Variants in PCDHA6 observed in about 807,000 individuals in gnomAD.
The protein encoded by PCDHA6 is protocadherin alpha 6, also known as protocadherin alpha-6.
PCDHA6 carries 55 observed loss-of-function variants against 60.3 expected under a neutral mutation model. The ratio of observed to expected loss-of-function variants is 0.91; its 90% CI spans 0.73 to 1.14. The LOEUF is 1.14. PCDHA6 is among the 50% of genes most tolerant of loss of function. PCDHA6 has a pLI of 0.00. For missense variants in PCDHA6, 1,327 were observed against 1,256.5 expected, an observed-to-expected ratio of 1.06 and a Z score of -0.85; for synonymous variants, 652 against 557.9, an observed-to-expected ratio of 1.17 and a Z score of -2.38.
chr5:141,010,293 G>A lies in PCDHA6; in HGVS notation c.*356G>A. ...ATCCTGTCTTGATGACACTTGCAGG[G>A]CAGGCTGAAAAGTTTTGAGATTGAG... On this transcript the variant is annotated 3_prime_UTR_variant, in exon 4 of 4. Transcript: ENST00000529310. The A allele has an allele frequency of 6.5e-7, 1 of 1,549,794 alleles. No individual in the cohort carries two copies. The highest frequency in any genetic ancestry group is 2.4e-5 in the East Asian group (1 of 40,902).
chr5:140,951,084 T>C (rs190031878), intron 1 of PCDHA6, among the ~76,000 whole-genome samples: 2 of 152,168 alleles, frequency 1.3e-5, no homozygotes, highest in African/African-American at 4.8e-5. Context: ...ATATTTTCCT[T>C]TTTTTCTGAT....
intron 1 of PCDHA6, chr5:140,871,365 G>A: frequency 6.2e-7 from 1 of 1,614,218 alleles, no homozygotes; most frequent in Non-Finnish European, 8.5e-7. Context: ...AGCAGAGGCG[G>A]CAGAGGGTGT....
chr5:140,842,452 C>G lies in PCDHA6; in HGVS notation c.2394+11967C>G, dbSNP rs1777963024. The G allele has an allele frequency of 8.1e-6, 13 of 1,613,732 alleles. 1 individual carries two copies. The highest frequency in any genetic ancestry group is 2.7e-5 in the African/African-American group (2 of 74,852). On this transcript the variant is annotated intron_variant, in intron 1 of 3. Transcript: ENST00000529310. The stretch of plus-strand genomic sequence containing the variant: ...TCGCCCTAATTAGCGTGAACGACCT[C>G]GATTCAGGTGCCAACGGGCAGGTGA...
At chr5:140,849,563 G>T (rs2150440707) in intron 1 of PCDHA6, 1 of 1,598,488 alleles carries the variant, frequency 6.3e-7, no homozygotes, top group Non-Finnish European at 8.6e-7. Context: ...AAACGCTCTC[G>T]GTTCCTGTAA....
At chr5:140,906,719 T>C (rs1282384270) in intron 1 of PCDHA6, among the ~76,000 whole-genome samples, 1 of 152,218 alleles carries the variant, frequency 6.6e-6, no homozygotes, top group East Asian at 1.9e-4. Flanking sequence ...GCCTGGATTG[T>C]GCTGTTGTAG....
intron 1 of PCDHA6, among the ~76,000 whole-genome samples, chr5:140,933,053 G>C (rs2088831256): frequency 6.6e-6 from 1 of 151,948 alleles, no homozygotes; most frequent in Non-Finnish European, 1.5e-5. Flanking sequence ...TTACAGTCCA[G>C]GATCCTGACT....
At chr5:140,985,519 C>G (rs945399310) in intron 3 of PCDHA6, among the ~76,000 whole-genome samples, 7 of 152,120 alleles carry the variant, frequency 4.6e-5, no homozygotes, top group African/African-American at 1.7e-4. Flanking sequence ...TTCTGTTGCC[C>G]TTAAAGCTTC....
At chr5:140,836,046 G>A (rs2150251403) in intron 1 of PCDHA6, 3 of 1,613,572 alleles carry the variant, frequency 1.9e-6, no homozygotes, top group Admixed American at 1.7e-5. Context: ...GCAGGTGTTC[G>A]TGCTGGACGA....
At position 140,830,446 on chromosome 5, in the gene PCDHA6, G is replaced by A; in HGVS notation, c.2355G>A (p.Lys785=). Residue 785 remains lysine (K), a synonymous_variant, in exon 1 of 4, where the codon AAG becomes AAA. Transcript: ENST00000529310. The stretch of plus-strand genomic sequence containing the variant: ...CACCTTGTCCTATTATGATGGGTAA[G>A]GCGGAGAATCAGGATTTAAATGAAG... ...SLSPCPIMMG[K]AENQDLNEDH... 2 of 1,603,094 alleles carry A rather than the reference G, an allele frequency of 1.2e-6. No individual in the cohort carries two copies. The highest frequency in any genetic ancestry group is 1.7e-6 in the Non-Finnish European group (2 of 1,173,312).
chr5:141,007,653 C>T (rs373127730), intron 3 of PCDHA6, among the ~76,000 whole-genome samples: 1 of 152,126 alleles, frequency 6.6e-6, no homozygotes, highest in African/African-American at 2.4e-5. Context: ...GCCTAAAAAA[C>T]CATAAATTTA....
At chr5:140,924,902 A>AAAAAAT (rs1554202311) in intron 1 of PCDHA6, among the ~76,000 whole-genome samples, 400 of 39,066 alleles carry the variant, frequency 0.01, 1 homozygote, top group Middle Eastern at 0.023. Flanking sequence ...CTCAAAAAAA[A>AAAAAAT]AAATAAAATA....
intron 3 of PCDHA6, among the ~76,000 whole-genome samples, chr5:140,993,452 T>C (rs1218728585): frequency 1.5e-5 from 2 of 135,256 alleles, no homozygotes; most frequent in Non-Finnish European, 3.1e-5. Flanking sequence ...CTGTTCTCCT[T>C]CTTTCTTTCT....
At chr5:140,871,024 T>A (rs782482530) in intron 1 of PCDHA6, 2 of 1,613,076 alleles carry the variant, frequency 1.2e-6, no homozygotes, top group African/African-American at 1.3e-5. Flanking sequence ...CGAGGCAGAC[T>A]CGCCGCGCCA....
chr5:140,883,159 G>T (rs782151764), intron 1 of PCDHA6: 3 of 1,613,846 alleles, frequency 1.9e-6, no homozygotes, highest in South Asian at 1.1e-5. Flanking sequence ...CCATAAATCC[G>T]AACAATGGAG....
intron 1 of PCDHA6, among the ~76,000 whole-genome samples, chr5:140,974,558 C>A (rs984567503): frequency 4.5e-4 from 68 of 152,132 alleles, no homozygotes; most frequent in African/African-American, 1.6e-3. Context: ...GTTGCCCAGG[C>A]TGGAGTGCAA....
intron 1 of PCDHA6, among the ~76,000 whole-genome samples, chr5:140,832,117 A>G (rs1431640218): frequency 6.6e-6 from 1 of 152,252 alleles, no homozygotes; most frequent in African/African-American, 2.4e-5. Flanking sequence ...AGCAATTTAA[A>G]ATGTGTGTTT....
chr5:140,903,434 A>T (rs1372993909), intron 1 of PCDHA6, among the ~76,000 whole-genome samples: 1 of 152,226 alleles, frequency 6.6e-6, no homozygotes, highest in Non-Finnish European at 1.5e-5. Context: ...AATATGTATC[A>T]GTGGAATTCA....
At chr5:140,916,832 G>A (rs1286597127) in intron 1 of PCDHA6, among the ~76,000 whole-genome samples, 3 of 152,104 alleles carry the variant, frequency 2.0e-5, no homozygotes, top group East Asian at 1.9e-4. Context: ...TATCCCTCTG[G>A]TTCTGAGCCC....
Position 141,009,816 on chromosome 5 carries a change from G to A in PCDHA6, c.2732G>A (p.Ser911Asn). ...QEPTNSQIDK[S>N]DFITFGKKEE... Reference sequence around the variant, plus strand: ...CCTACTAACAGCCAAATTGACAAAAGTGACTTCATAACCTTCGGCAAAAAG... The same window carrying A: ...CCTACTAACAGCCAAATTGACAAAAATGACTTCATAACCTTCGGCAAAAAG... Residue 911 changes from serine to asparagine, a missense_variant, in exon 4 of 4, where the codon AGT (serine) becomes AAT (asparagine). Ser to Asn is a conservative substitution (Grantham distance 46). Transcript: ENST00000529310. 1 of 1,614,044 alleles carries A rather than the reference G, an allele frequency of 6.2e-7. No homozygotes were observed. Among genetic ancestry groups the A allele is most frequent in the African/African-American group, 1.3e-5 (1 of 74,990 alleles).
Sources: allele counts gnomAD v4.1 joint callset (sites outside exome capture counted in the v4.1 genomes callset), GRCh38; gene constraint gnomAD v4.1.1; transcripts MANE v1.5; gene names NCBI Gene and HGNC (gene_info 2026-07-23, HGNC 2026-07-21).